The following TYW1 variants were observed in gnomAD, a reference collection of about 807,000 sequenced individuals.
The protein encoded by TYW1 is S-adenosyl-L-methionine-dependent tRNA 4-demethylwyosine synthase TYW1.
A neutral mutation model predicts 96.2 loss-of-function variants in TYW1; 46 were observed. The observed-to-expected ratio is 0.48, with a 90% CI of 0.38 to 0.61. The LOEUF (loss-of-function observed/expected upper bound fraction) is 0.61, where lower values mean the gene tolerates loss of function less well. Ranked by LOEUF, TYW1 falls within the 20% of genes least tolerant of loss-of-function variation. The pLI is 0.00. For synonymous variants in TYW1, 274 were observed against 323.0 expected (o/e 0.85, Z 1.63); for missense variants, 684 against 909.6 (o/e 0.75, Z 3.19).
intron 13 of TYW1, among the ~76,000 whole-genome samples, chr7:67,123,917 T>C (rs1367505275): frequency 6.6e-6 from 1 of 152,126 alleles, no homozygotes; most frequent in Non-Finnish European, 1.5e-5. Flanking sequence ...TGGAAGCCAT[T>C]GTATAGAGGG....
intron 11 of TYW1, among the ~76,000 whole-genome samples, chr7:67,096,530 A>G (rs984014979): frequency 7.9e-5 from 12 of 152,084 alleles, no homozygotes; most frequent in African/African-American, 2.7e-4. Flanking sequence ...GAACCTAGAA[A>G]TCATTGATTT....
intron 11 of TYW1, among the ~76,000 whole-genome samples, chr7:67,090,078 T>C (rs1473801379): frequency 6.6e-6 from 1 of 152,198 alleles, no homozygotes; most frequent in Non-Finnish European, 1.5e-5. Context: ...ATCTATACTT[T>C]AGGCTAGAAG....
intron 11 of TYW1, among the ~76,000 whole-genome samples, chr7:67,092,703 G>C (rs1205589950): frequency 1.4e-5 from 1 of 71,120 alleles, no homozygotes; most frequent in Non-Finnish European, 2.7e-5. Flanking sequence ...TTTTTTTTGA[G>C]ACGGAATCTC....
chr7:67,111,226 C>T (rs13243892), intron 12 of TYW1, among the ~76,000 whole-genome samples: 36,673 of 151,004 alleles, frequency 0.24, 4,694 homozygotes, highest in African/African-American at 0.31. Flanking sequence ...TTTTCCGAGA[C>T]GGAATCTTGC....
intron 10 of TYW1, among the ~76,000 whole-genome samples, chr7:67,074,568 A>G (rs1189540515): frequency 6.6e-6 from 1 of 152,230 alleles, no homozygotes; most frequent in African/African-American, 2.4e-5. Flanking sequence ...GGCTTCTGGT[A>G]AAGAAGGACT....
At chr7:67,050,576 G>A (rs1584502560) in intron 8 of TYW1, among the ~76,000 whole-genome samples, 2 of 152,090 alleles carry the variant, frequency 1.3e-5, no homozygotes, top group East Asian at 1.9e-4. Context: ...TTATGTGACC[G>A]TTCTGGCAAT....
chr7:67,029,089 C>CAG (rs1304145586), intron 7 of TYW1, among the ~76,000 whole-genome samples: 7 of 151,662 alleles, frequency 4.6e-5, no homozygotes, highest in Non-Finnish European at 8.8e-5. Context: ...AGCTCTGCCT[C>CAG]CTGGGTTCAC....
chr7:67,029,415 G>GTATATATATATATATATA (rs55802244), intron 7 of TYW1, among the ~76,000 whole-genome samples: 1 of 94,314 alleles, frequency 1.1e-5, no homozygotes, highest in Non-Finnish European at 2.2e-5. Flanking sequence ...GTGTGTGTGT[G>GTATATATATATATATATA]TATATATATA....
At chr7:67,128,529 C>T (rs910607439) in intron 13 of TYW1, among the ~76,000 whole-genome samples, 1 of 152,134 alleles carries the variant, frequency 6.6e-6, no homozygotes, top group Non-Finnish European at 1.5e-5. Flanking sequence ...TGTGCTATCT[C>T]TTTAAACTTT....
chr7:67,107,405 G>T (rs1042088853), intron 12 of TYW1, among the ~76,000 whole-genome samples: 1 of 152,104 alleles, frequency 6.6e-6, no homozygotes, highest in Non-Finnish European at 1.5e-5. Context: ...TGAGTTCATG[G>T]AATATTTTTC....
Position 67,229,645 on chromosome 7 carries a change from T to TCAAA in TYW1, c.1978-8654_1978-8651dup, listed in dbSNP as rs199852446. Among the ~76,000 whole-genome samples the TCAAA allele has an allele frequency of 3.0e-3, 417 of 138,106 alleles. 4 individuals are homozygous for TCAAA. Among genetic ancestry groups the TCAAA allele is most frequent in the African/African-American group, 0.011 (397 of 35,726 alleles). 90.6% of individuals were successfully genotyped at this position (138,106 alleles called of 152,430 possible). On this transcript the variant is annotated intron_variant, in intron 15 of 15. Coordinates refer to ENST00000359626, the MANE Select transcript of TYW1 (RefSeq NM_018264.4). ...CACACAAATAAGGGGTAAAACAAAA[T>TCAAA]CAAACAAACAAAAAAAACAATGCTC...
At chr7:67,172,900 ACTT>A (rs1799559446) in intron 13 of TYW1, among the ~76,000 whole-genome samples, 1 of 151,942 alleles carries the variant, frequency 6.6e-6, no homozygotes, top group African/African-American at 2.4e-5. Flanking sequence ...TAGGAGGATC[ACTT>A]GAGTCCAGGG....
chr7:67,096,239 A>C (rs542649094), intron 11 of TYW1, among the ~76,000 whole-genome samples: 3 of 152,152 alleles, frequency 2.0e-5, no homozygotes, highest in South Asian at 4.1e-4. Flanking sequence ...ACTACAAAAA[A>C]ATTAGCCGGG....
intron 15 of TYW1, among the ~76,000 whole-genome samples, chr7:67,209,342 A>G (rs1282042494): frequency 6.6e-6 from 1 of 152,210 alleles, no homozygotes; most frequent in African/African-American, 2.4e-5. Flanking sequence ...CTTTCAGCCT[A>G]GCAGCTTAAA....
At chr7:67,048,089 C>CATGTTAAAATTTTTAATCTGTTTTAT (rs1795244543) in intron 7 of TYW1, among the ~76,000 whole-genome samples, 1 of 78,364 alleles carries the variant, frequency 1.3e-5, no homozygotes. Flanking sequence ...TGCCCAGCCA[C>CATGTTAAAATTTTTAATCTGTTTTAT]ATATGGGGGA....
At chr7:67,133,499 A>T (rs1268356015) in intron 13 of TYW1, among the ~76,000 whole-genome samples, 1 of 151,816 alleles carries the variant, frequency 6.6e-6, no homozygotes, top group African/African-American at 2.4e-5. Context: ...AGAGATCGAG[A>T]CCATCCTGAC....
At chr7:67,004,178 A>G (rs1321792007) in intron 3 of TYW1, among the ~76,000 whole-genome samples, 7 of 152,330 alleles carry the variant, frequency 4.6e-5, no homozygotes, top group Non-Finnish European at 1.0e-4. Context: ...TGACACTGCC[A>G]TGATATTTTG....
intron 12 of TYW1, 62 bp from the exon 13 acceptor site, chr7:67,117,421 A>G (rs1658377851): frequency 5.1e-6 from 8 of 1,556,920 alleles, no homozygotes; most frequent in Non-Finnish European, 6.9e-6. Flanking sequence ...CAGGTTTTAT[A>G]TCATGGAAAG....
At position 67,029,415 on chromosome 7, in the gene TYW1, G is replaced by GTGTGTATATATA. The variant is rs1241213574; in HGVS notation, c.984+4394_984+4395insGTGTATATATAT. On this transcript the variant is annotated intron_variant, in intron 7 of 15. Transcript: ENST00000359626. ...TGTGTGTGTGTGTGTGTGTGTGTGT[G>GTGTGTATATATA]TATATATATATATATATAAATAGTA... 3.4e-3 allele frequency among the ~76,000 whole-genome samples: 317 copies of GTGTGTATATATA among 94,326 alleles called. 7 individuals are homozygous for GTGTGTATATATA. The highest frequency in any genetic ancestry group is 0.011 in the African/African-American group (292 of 27,458). The allele number at this position is 94,326 out of a possible 152,430, so 61.9% of individuals were successfully genotyped here.
Sources: allele counts gnomAD v4.1 joint callset (sites outside exome capture counted in the v4.1 genomes callset), GRCh38; gene constraint gnomAD v4.1.1; transcripts MANE v1.5; gene names NCBI Gene and HGNC (gene_info 2026-07-23, HGNC 2026-07-21).